Variants in SLC35F3 observed in about 807,000 individuals in gnomAD.
The protein encoded by SLC35F3 is solute carrier family 35 member F3.
SLC35F3 carries 25 observed loss-of-function variants against 49.9 expected under a neutral mutation model. The ratio of observed to expected loss-of-function variants is 0.50; its 90% confidence interval spans 0.37 to 0.70. The LOEUF is 0.70. Ranked by LOEUF, SLC35F3 falls within the 30% of genes least tolerant of loss-of-function variation. The probability of loss-of-function intolerance (pLI) is 0.00; values close to 1 mark genes in which losing one functional copy is unlikely to be tolerated. For missense variants in SLC35F3, 525 were observed against 639.8 expected (o/e 0.82, Z 1.94); for synonymous variants, 275 against 265.4 (o/e 1.04, Z -0.35).
At chr1:234,322,386 G>C (rs569525547) in intron 7 of SLC35F3, among the ~76,000 whole-genome samples, 1 of 152,242 alleles carries the variant, frequency 6.6e-6, no homozygotes, top group Admixed American at 6.5e-5. Flanking sequence ...TTTGTGTTAT[G>C]TATTGTACTC....
At chr1:234,209,177 T>G (rs945825006) in intron 2 of SLC35F3, among the ~76,000 whole-genome samples, 3 of 152,200 alleles carry the variant, frequency 2.0e-5, no homozygotes, top group African/African-American at 7.2e-5. Context: ...TGGATATTAT[T>G]TATACAGTAT....
intron 2 of SLC35F3, among the ~76,000 whole-genome samples, chr1:234,104,473 G>A (rs1044114625): frequency 6.6e-6 from 1 of 152,074 alleles, no homozygotes; most frequent in African/African-American, 2.4e-5. Flanking sequence ...ACACTGAGTA[G>A]GCCTTTAAAT....
At chr1:234,055,223 C>T (rs1224212911) in intron 2 of SLC35F3, among the ~76,000 whole-genome samples, 3 of 152,206 alleles carry the variant, frequency 2.0e-5, no homozygotes, top group Admixed American at 6.5e-5. Context: ...TTTTGTTCAG[C>T]TATGCCCTGC....
At chr1:234,134,752 C>T (rs572466131) in intron 2 of SLC35F3, among the ~76,000 whole-genome samples, 9 of 152,152 alleles carry the variant, frequency 5.9e-5, no homozygotes, top group South Asian at 2.1e-4. Context: ...GAGACAGTCT[C>T]GCTCTGTTGC....
At chr1:234,120,950 T>G (rs1406385196) in intron 2 of SLC35F3, among the ~76,000 whole-genome samples, 1 of 152,160 alleles carries the variant, frequency 6.6e-6, no homozygotes. Context: ...TTTCAAGCAG[T>G]TTTTTAGCAT....
chr1:233,918,820 A>C (rs202043952), intron 2 of SLC35F3, among the ~76,000 whole-genome samples: 30,057 of 75,024 alleles, frequency 0.4, 4,016 homozygotes, highest in African/African-American at 0.5. Context: ...CTCTCTCTAT[A>C]TATATATATA....
At chr1:234,018,340 C>T (rs1663837104) in intron 2 of SLC35F3, among the ~76,000 whole-genome samples, 1 of 152,162 alleles carries the variant, frequency 6.6e-6, no homozygotes, top group East Asian at 1.9e-4. Flanking sequence ...AGGACACAGC[C>T]CTGCCCCACC....
At chr1:234,137,174 G>A (rs1172875247) in intron 2 of SLC35F3, among the ~76,000 whole-genome samples, 1 of 152,208 alleles carries the variant, frequency 6.6e-6, no homozygotes, top group African/African-American at 2.4e-5. Flanking sequence ...TCAAGACATA[G>A]TCAATGAATG....
chr1:233,982,883 G>C (rs1047633877), intron 2 of SLC35F3, among the ~76,000 whole-genome samples: 6 of 152,178 alleles, frequency 3.9e-5, no homozygotes, highest in Admixed American at 2.6e-4. Flanking sequence ...GGAGAACTGT[G>C]GGTGCTATGA....
chr1:234,236,616 G>A (rs1326741304), intron 3 of SLC35F3, among the ~76,000 whole-genome samples: 6 of 152,046 alleles, frequency 3.9e-5, no homozygotes, highest in Non-Finnish European at 8.8e-5. Flanking sequence ...ATTGGGGTAA[G>A]GTGAAAGAGA....
intron 3 of SLC35F3, among the ~76,000 whole-genome samples, chr1:234,271,674 G>A (rs1175183297): frequency 6.6e-6 from 1 of 152,186 alleles, no homozygotes; most frequent in Non-Finnish European, 1.5e-5. Flanking sequence ...TGAGATTTGT[G>A]TCTCAGGTTT....
chr1:233,995,855 A>G (rs553406001), intron 2 of SLC35F3, among the ~76,000 whole-genome samples: 1 of 152,250 alleles, frequency 6.6e-6, no homozygotes, highest in East Asian at 1.9e-4. Context: ...TAAATCAAAC[A>G]TCTGCAGCCT....
At position 234,133,868 on chromosome 1, in the gene SLC35F3, A is replaced by T. The variant is rs542860511; in HGVS notation, c.284-97549A>T. ...GCAACTCACAGAAAGAACACCTGCT[A>T]TGAACAAGAGACTGTTCTAAGTAAA... is the stretch of plus-strand genomic sequence containing the variant. On this transcript the variant is annotated intron_variant, in intron 2 of 7. Transcript: ENST00000366618. Among the ~76,000 whole-genome samples, 259 of 152,350 alleles carry T rather than the reference A, an allele frequency of 1.7e-3. 1 individual carries two copies. The highest frequency in any genetic ancestry group is 6.0e-3 in the African/African-American group (248 of 41,584).
At chr1:234,226,960 T>TACACACAC (rs1667294830) in intron 2 of SLC35F3, among the ~76,000 whole-genome samples, 1 of 120,792 alleles carries the variant, frequency 8.3e-6, no homozygotes, top group Non-Finnish European at 1.6e-5. Flanking sequence ...CGCGCACGCG[T>TACACACAC]GCACACACAC....
chr1:234,260,508 C>T (rs1250740599), intron 3 of SLC35F3, among the ~76,000 whole-genome samples: 2 of 152,128 alleles, frequency 1.3e-5, no homozygotes, highest in Admixed American at 6.5e-5. Context: ...CCCAGAGAGC[C>T]CTCTGGACGG....
intron 2 of SLC35F3, among the ~76,000 whole-genome samples, chr1:234,225,976 T>C (rs749856409): frequency 3.8e-4 from 58 of 152,204 alleles, no homozygotes; most frequent in Non-Finnish European, 7.6e-4. Flanking sequence ...CAAATTATTA[T>C]AGAGACAGAA....
At chr1:234,152,768 G>A (rs1666094668) in intron 2 of SLC35F3, among the ~76,000 whole-genome samples, 1 of 152,102 alleles carries the variant, frequency 6.6e-6, no homozygotes, top group Non-Finnish European at 1.5e-5. Context: ...GGGTAAAATG[G>A]TATTTCTGGT....
chr1:234,099,951 G>T (rs1179476221), intron 2 of SLC35F3, among the ~76,000 whole-genome samples: 1 of 152,194 alleles, frequency 6.6e-6, no homozygotes, highest in Non-Finnish European at 1.5e-5. Context: ...AATAGACTTG[G>T]AGTGTCAATG....
chr1:234,154,072 A>C (rs1356552954), intron 2 of SLC35F3, among the ~76,000 whole-genome samples: 1 of 151,322 alleles, frequency 6.6e-6, no homozygotes, highest in Non-Finnish European at 1.5e-5. Flanking sequence ...AAAAAAAAAA[A>C]CAAAAAACAA....
Sources: allele counts gnomAD v4.1 joint callset (sites outside exome capture counted in the v4.1 genomes callset), GRCh38; gene constraint gnomAD v4.1.1; transcripts MANE v1.5; gene names NCBI Gene and HGNC (gene_info 2026-07-23, HGNC 2026-07-21).